The following CNTNAP2 variants were observed in gnomAD, a reference collection of about 807,000 sequenced individuals.
CNTNAP2 encodes contactin associated protein 2, also known as contactin-associated protein-like 2.
CNTNAP2 carries 98 observed loss-of-function variants against 155.2 expected under a neutral mutation model. The ratio of observed to expected loss-of-function variants is 0.63; its 90% CI spans 0.54 to 0.75. CNTNAP2 has a LOEUF of 0.75. CNTNAP2 is among the 30% of genes least tolerant of loss of function. The pLI is 0.00. For missense variants in CNTNAP2, 1,727 were observed against 1,688.1 expected (o/e 1.02, Z -0.40); for synonymous variants, 651 against 631.2 (o/e 1.03, Z -0.47).
At position 148,187,138 on chromosome 7, in the gene CNTNAP2, AC is replaced by A. The variant is rs1562988463; in HGVS notation, c.3010+14661del. ...CACACACACACACACACACACACACACACACACACAAACAGAGCCAGGTGTG... is the reference window on the plus strand; with the variant it reads ...CACACACACACACACACACACACACAACACACACAAACAGAGCCAGGTGTG... On this transcript the variant is annotated intron_variant, in intron 18 of 23. Transcript: ENST00000361727. Among the ~76,000 whole-genome samples the A allele has an allele frequency of 2.9e-3, 444 of 151,326 alleles. 4 individuals carry two copies. The highest frequency in any genetic ancestry group is 9.5e-3 in the African/African-American group (388 of 40,870).
chr7:146,394,717 GT>G (rs779240608), intron 1 of CNTNAP2, among the ~76,000 whole-genome samples: 3 of 152,026 alleles, frequency 2.0e-5, no homozygotes, highest in Non-Finnish European at 4.4e-5. Context: ...TATTAGTATG[GT>G]TATTTCACAC....
intron 1 of CNTNAP2, among the ~76,000 whole-genome samples, chr7:146,362,899 T>C (rs931639688): frequency 1.4e-4 from 21 of 151,586 alleles, no homozygotes; most frequent in Admixed American, 3.3e-4. Context: ...GCCTCCCAAG[T>C]AGCTGGGACT....
At chr7:146,687,275 T>G (rs1179834322) in intron 1 of CNTNAP2, among the ~76,000 whole-genome samples, 1 of 152,158 alleles carries the variant, frequency 6.6e-6, no homozygotes, top group African/African-American at 2.4e-5. Context: ...AAATCTTGGC[T>G]TAGATACTAA....
At chr7:147,043,768 G>A (rs1799303530) in intron 3 of CNTNAP2, 139 bp from the exon 4 acceptor site, 1 of 1,052,278 alleles carries the variant, frequency 9.5e-7, no homozygotes, top group African/African-American at 1.6e-5. Flanking sequence ...TAAGGAAGCA[G>A]CTTTCTTCAA....
chr7:147,483,732 A>T (rs1798465307), intron 10 of CNTNAP2, among the ~76,000 whole-genome samples: 1 of 152,188 alleles, frequency 6.6e-6, no homozygotes, highest in Admixed American at 6.5e-5. Flanking sequence ...TTTTAGTTTC[A>T]TGTAATTTTG....
chr7:147,340,447 T>G (rs1195015831), intron 9 of CNTNAP2, among the ~76,000 whole-genome samples: 2 of 152,148 alleles, frequency 1.3e-5, no homozygotes, highest in African/African-American at 4.8e-5. Context: ...GTAGGAATAC[T>G]CTTTAACCAG....
At chr7:146,529,715 C>T (rs1458550600) in intron 1 of CNTNAP2, among the ~76,000 whole-genome samples, 1 of 151,890 alleles carries the variant, frequency 6.6e-6, no homozygotes, top group Admixed American at 6.6e-5. Flanking sequence ...GTCTGTAATC[C>T]CAGCACTTTG....
chr7:148,375,360 A>G (rs1798965077), intron 21 of CNTNAP2, among the ~76,000 whole-genome samples: 2 of 147,922 alleles, frequency 1.4e-5, no homozygotes, highest in Admixed American at 1.4e-4. Flanking sequence ...AGTATATTAT[A>G]TATATACAAT....
intron 10 of CNTNAP2, among the ~76,000 whole-genome samples, chr7:147,402,230 A>C (rs750944890): frequency 3.9e-5 from 6 of 152,152 alleles, no homozygotes; most frequent in Admixed American, 3.9e-4. Flanking sequence ...ATGCCCTAGC[A>C]TGGCTTGGGT....
chr7:146,274,036 G>A (rs765393623), intron 1 of CNTNAP2, among the ~76,000 whole-genome samples: 5 of 152,024 alleles, frequency 3.3e-5, no homozygotes, highest in Non-Finnish European at 5.9e-5. Context: ...TGTAATAGTT[G>A]TAACTATTAA....
intron 18 of CNTNAP2, among the ~76,000 whole-genome samples, chr7:148,192,961 TA>T (rs993005917): frequency 6.6e-6 from 1 of 152,306 alleles, no homozygotes. Flanking sequence ...ATTCTCTTTT[TA>T]AAAATTAACA....
intron 1 of CNTNAP2, among the ~76,000 whole-genome samples, chr7:146,559,526 G>A (rs1302164537): frequency 3.9e-5 from 6 of 151,922 alleles, no homozygotes; most frequent in South Asian, 2.1e-4. Flanking sequence ...CCGAGATCAC[G>A]CCACTGCACT....
At chr7:147,872,652 A>G (rs996444964) in intron 13 of CNTNAP2, among the ~76,000 whole-genome samples, 1 of 152,230 alleles carries the variant, frequency 6.6e-6, no homozygotes, top group African/African-American at 2.4e-5. Context: ...AAAAGAAAGT[A>G]AATCTTGATT....
chr7:147,024,681 A>G (rs1197973332), intron 3 of CNTNAP2, among the ~76,000 whole-genome samples: 1 of 152,164 alleles, frequency 6.6e-6, no homozygotes, highest in Non-Finnish European at 1.5e-5. Flanking sequence ...CTCAGAGTTG[A>G]TTTTTTTGGT....
At chr7:148,412,651 G>A (rs1799870119) in intron 23 of CNTNAP2, among the ~76,000 whole-genome samples, 1 of 152,126 alleles carries the variant, frequency 6.6e-6, no homozygotes, top group African/African-American at 2.4e-5. Context: ...TGAGAATAAT[G>A]AGATTTTTTT....
intron 1 of CNTNAP2, among the ~76,000 whole-genome samples, chr7:146,435,287 T>A (rs1796227050): frequency 6.6e-6 from 1 of 152,178 alleles, no homozygotes; most frequent in East Asian, 1.9e-4. Flanking sequence ...CTTTTTTAAC[T>A]TATAATTCTT....
intron 8 of CNTNAP2, among the ~76,000 whole-genome samples, chr7:147,289,392 A>G (rs1302991815): frequency 6.6e-6 from 1 of 151,966 alleles, no homozygotes; most frequent in African/African-American, 2.4e-5. Flanking sequence ...TATTCAACAG[A>G]GAATCAAATA....
chr7:147,266,234 C>A (rs751037533), intron 8 of CNTNAP2, among the ~76,000 whole-genome samples: 1 of 152,012 alleles, frequency 6.6e-6, no homozygotes, highest in African/African-American at 2.4e-5. Context: ...CTAAGGACCA[C>A]GATAAAAGGC....
At chr7:146,721,313 T>A (rs1801301761) in intron 1 of CNTNAP2, among the ~76,000 whole-genome samples, 1 of 131,568 alleles carries the variant, frequency 7.6e-6, no homozygotes, top group Admixed American at 8.1e-5. Flanking sequence ...GTATTCTATA[T>A]ATATTCTATA....
Sources: gnomAD v4.1 joint callset for allele counts (sites outside exome capture counted in the v4.1 genomes callset) on GRCh38, gnomAD v4.1.1 for gene constraint, MANE v1.5 for transcripts, NCBI Gene and HGNC (gene_info 2026-07-23, HGNC 2026-07-21) for gene names.